Variants in PHACTR2 observed in about 807,000 individuals in gnomAD.
PHACTR2 encodes the protein chromosome 6 open reading frame 56.
PHACTR2 carries 30 observed loss-of-function variants against 76.0 expected under a neutral mutation model. That is an observed-to-expected ratio of 0.39 (90% CI 0.30 to 0.54). The LOEUF (loss-of-function observed/expected upper bound fraction) is 0.54, where lower values mean the gene tolerates loss of function less well. PHACTR2 is among the 20% of genes least tolerant of loss of function. The pLI, the probability that PHACTR2 is intolerant of heterozygous loss-of-function variation, is 0.61. For synonymous variants in PHACTR2, 292 were observed against 292.5 expected (o/e 1.00, Z 0.02); for missense variants, 696 against 781.1 (o/e 0.89, Z 1.30).
In PHACTR2 at chr6:143,807,390, A is replaced by C. The variant is rs1158001072; in HGVS notation, c.1922+257A>C. Among the ~76,000 whole-genome samples, 2 of 152,258 alleles carry C rather than the reference A, an allele frequency of 1.3e-5. No homozygotes were observed. The highest frequency in any genetic ancestry group is 4.8e-5 in the African/African-American group (2 of 41,476). ...TAAAGATATGACTAGATAAGATTGT[A>C]AATTTCTAGAATTTCATAATAAACT... is the stretch of plus-strand genomic sequence containing the variant. On this transcript the variant is annotated intron_variant, in intron 12 of 12. Coordinates refer to ENST00000440869, the MANE Select transcript of PHACTR2 (RefSeq NM_001100164.2). The surrounding 1 kb of genome is among the most constrained non-coding windows in gnomAD (Gnocchi z 5.5).
At chr6:143,805,800 C>T (rs2128483455) in intron 11 of PHACTR2, among the ~76,000 whole-genome samples, 1 of 152,278 alleles carries the variant, frequency 6.6e-6, no homozygotes, top group Middle Eastern at 3.4e-3. Flanking sequence ...GGAGAAGAGA[C>T]AATCTGTGAC....
At position 143,789,076 on chromosome 6, in the gene PHACTR2, T is replaced by C. The variant is rs896325329; in HGVS notation, c.1845+166T>C. On this transcript the variant is annotated intron_variant, in intron 11 of 12. Transcript: ENST00000440869. This position sits in a 1 kb window ranked among gnomAD's most constrained non-coding sequence, Gnocchi z 5.1. Reference sequence around the variant, plus strand: ...CACTTAAGTGATACATTTAGTGATATCAATGTAGTTCTTTCAACTAAGTCT... The same window carrying C: ...CACTTAAGTGATACATTTAGTGATACCAATGTAGTTCTTTCAACTAAGTCT... 1 of 514,640 alleles carries C rather than the reference T, an allele frequency of 1.9e-6. No individual in the cohort carries two copies. Among genetic ancestry groups the C allele is most frequent in the African/African-American group, 1.9e-5 (1 of 53,262 alleles). 31.9% of individuals were successfully genotyped at this position (514,640 alleles called of 1,614,324 possible).
At position 143,625,515 on chromosome 6, in the gene PHACTR2, A is replaced by G. The variant is rs1357564676; in HGVS notation, c.13+17193A>G. Among the ~76,000 whole-genome samples, 7 of 152,244 alleles carry G rather than the reference A, an allele frequency of 4.6e-5. No homozygotes were observed. Among genetic ancestry groups the G allele is most frequent in the African/African-American group, 1.7e-4 (7 of 41,472 alleles). The stretch of plus-strand genomic sequence containing the variant: ...ATAAATATTATTGATAACTTATCGA[A>G]TAGGTAATTGCTGCATATTGATTTC... On this transcript the variant is annotated intron_variant, in intron 1 of 11. Transcript: ENST00000305766. This position sits in a 1 kb window ranked among gnomAD's most constrained non-coding sequence, Gnocchi z 4.3.
intron 1 of PHACTR2, among the ~76,000 whole-genome samples, chr6:143,626,261 G>T (rs907665555): frequency 6.6e-6 from 1 of 152,086 alleles, no homozygotes; most frequent in Non-Finnish European, 1.5e-5. Context: ...AAACCGGCCG[G>T]GCACGGTTGC....
rs1408907209 is a variant in PHACTR2 at position 143,689,898 on chromosome 6, G to C, written c.46+11689G>C. ...AGTAGCGACAGGGTTTCGCCAGGCT[G>C]GTCTTGGCAATCTGGTCTTGAACTT... On this transcript the variant is annotated intron_variant, in intron 1 of 12. Coordinates refer to ENST00000440869, the MANE Select transcript of PHACTR2 (RefSeq NM_001100164.2). This position sits in a 1 kb window ranked among gnomAD's most constrained non-coding sequence, Gnocchi z 4.4. Among the ~76,000 whole-genome samples the C allele has an allele frequency of 6.6e-6, 1 of 152,042 alleles. No individual in the cohort carries two copies. The highest frequency in any genetic ancestry group is 2.4e-5 in the African/African-American group (1 of 41,406).
At chr6:143,579,314 A>G (rs932585160) in intron 1 of PHACTR2, among the ~76,000 whole-genome samples, 4 of 152,144 alleles carry the variant, frequency 2.6e-5, no homozygotes, top group Non-Finnish European at 4.4e-5. Flanking sequence ...TACTATTTTT[A>G]TTGTCAAAAA....
chr6:143,592,225 A>C lies in PHACTR2; in HGVS notation c.217+55018A>C, dbSNP rs1448419798. Reference sequence around the variant, plus strand: ...ATTTACAGCTTTTAAATATTTAGGCATATGGGATGGGGGCTTCCATTTGTG... The same window carrying C: ...ATTTACAGCTTTTAAATATTTAGGCCTATGGGATGGGGGCTTCCATTTGTG... On this transcript the variant is annotated intron_variant, in intron 1 of 11. Coordinates refer to the PHACTR2 transcript ENST00000367584. This position sits in a 1 kb window ranked among gnomAD's most constrained non-coding sequence, Gnocchi z 4.0. 6.6e-6 allele frequency among the ~76,000 whole-genome samples: 1 copy of C among 152,206 alleles called. No homozygotes were observed. The highest frequency in any genetic ancestry group is 1.5e-5 in the Non-Finnish European group (1 of 68,046).
Position 143,537,206 on chromosome 6 carries a change from A to C in PHACTR2, c.216A>C (p.Ser72=). 1 of 256,308 alleles carries C rather than the reference A, an allele frequency of 3.9e-6. No homozygotes were observed. 15.9% of individuals were successfully genotyped at this position (256,308 alleles called of 1,614,324 possible). Residue 72 remains serine (S), a splice_region_variant and synonymous_variant, in exon 1 of 12, where the codon TCA becomes TCC. Coordinates refer to the PHACTR2 transcript ENST00000367584. The surrounding 1 kb of genome is among the most constrained non-coding windows in gnomAD (Gnocchi z 4.4). ...CGCTCCGGGTCCACATCTCCGGCTC[A>C]GGTAAGAGCGGCTCGGGGCGCGGGC...
At chr6:143,650,129 C>G (rs111928906) in intron 1 of PHACTR2, among the ~76,000 whole-genome samples, 1,734 of 152,200 alleles carry the variant, frequency 0.011, 42 homozygotes, top group African/African-American at 0.04. Flanking sequence ...ATACAGCTAA[C>G]AAGGGAAGTG....
At position 143,659,395 on chromosome 6, in the gene PHACTR2, G is replaced by A. The variant is rs1266917794; in HGVS notation, c.13+51073G>A. On this transcript the variant is annotated intron_variant, in intron 1 of 11. Transcript: ENST00000305766. The surrounding 1 kb of genome is among the most constrained non-coding windows in gnomAD (Gnocchi z 5.0). ...GAGGGTGTCAGGGTCTCATGAAGCT[G>A]CAGTCAAGGTGTCAGTAGGGATGTC... Among the ~76,000 whole-genome samples the A allele has an allele frequency of 6.6e-6, 1 of 152,324 alleles. No individual in the cohort carries two copies. The highest frequency in any genetic ancestry group is 1.9e-4 in the East Asian group (1 of 5,182).
chr6:143,719,971 C>T (rs1321465705), intron 2 of PHACTR2, among the ~76,000 whole-genome samples: 1 of 151,796 alleles, frequency 6.6e-6, no homozygotes, highest in African/African-American at 2.4e-5. Context: ...ACCACCACAC[C>T]CAGCTAATTT....
rs1468793378 is a variant in PHACTR2, at chr6:143,562,136, A to C, written c.217+24929A>C. 4 of 152,236 alleles carry C rather than the reference A, an allele frequency of 2.6e-5. No homozygotes were observed. The highest frequency in any genetic ancestry group is 9.7e-5 in the African/African-American group (4 of 41,434). The allele number at this position is 152,236 out of a possible 1,614,324, so 9.4% of individuals were successfully genotyped here. A position where few individuals can be genotyped will look rare whatever the true frequency, so the allele number is the denominator to read the frequency against. ...CCCTTTGTGACCTCGTAGCCTTGTC[A>C]CAGTGCTCTCTGTTGTGTTGGAATA... On this transcript the variant is annotated intron_variant, in intron 1 of 11. Transcript: ENST00000367584. The surrounding 1 kb of genome is among the most constrained non-coding windows in gnomAD (Gnocchi z 5.1).
chr6:143,718,563 G>T (rs917064988), intron 2 of PHACTR2, among the ~76,000 whole-genome samples: 1 of 152,178 alleles, frequency 6.6e-6, no homozygotes, highest in Non-Finnish European at 1.5e-5. Flanking sequence ...ATTAGTTTTT[G>T]CTGTAAGAAG....
In PHACTR2 at chr6:143,757,959, GCGCGCACACACA is replaced by G. The variant is rs1199040109; in HGVS notation, c.455-2440_455-2429del. On this transcript the variant is annotated intron_variant, in intron 4 of 12. Transcript: ENST00000440869. The surrounding 1 kb of genome is among the most constrained non-coding windows in gnomAD (Gnocchi z 4.2). ...CCTGCGTGTGTGTGCATGCACACGT[GCGCGCACACACA>G]CACACACACACACACACATAACTTA... 7.1e-4 allele frequency among the ~76,000 whole-genome samples: 104 copies of G among 145,698 alleles called. No homozygotes were observed. The highest frequency in any genetic ancestry group is 2.5e-3 in the African/African-American group (96 of 37,852).
In PHACTR2 at chr6:143,553,930, C is replaced by A. The variant is rs750870863; in HGVS notation, c.217+16723C>A. On this transcript the variant is annotated intron_variant, in intron 1 of 11. Coordinates refer to the PHACTR2 transcript ENST00000367584. This position sits in a 1 kb window ranked among gnomAD's most constrained non-coding sequence, Gnocchi z 4.2. ...GGCCTGAGAGAAGTTAAGGGGTGAT[C>A]CTTCCAGGCAGAGAGAAGAGCAAGG... 1.2e-4 allele frequency among the ~76,000 whole-genome samples: 18 copies of A among 152,016 alleles called. No homozygotes were observed. The highest frequency in any genetic ancestry group is 2.5e-4 in the Non-Finnish European group (17 of 68,002).
At chr6:143,604,902 AAG>A (rs1384459326), upstream of PHACTR2, among the ~76,000 whole-genome samples, 43 of 151,546 alleles carry the variant, frequency 2.8e-4, no homozygotes, top group East Asian at 7.6e-3. Flanking sequence ...AAAAAAAAAA[AAG>A]AGAAAAAAAA....
At position 143,658,373 on chromosome 6, in the gene PHACTR2, A is replaced by C. The variant is rs1405023605; in HGVS notation, c.13+50051A>C. Among the ~76,000 whole-genome samples the C allele has an allele frequency of 1.3e-5, 2 of 152,250 alleles. No individual in the cohort carries two copies. The highest frequency in any genetic ancestry group is 2.9e-5 in the Non-Finnish European group (2 of 68,048). ...CCTTAATGATAAGGTTCTCCTGTGC[A>C]GTATTTGAAAACGAATTACAGCACT... is the stretch of plus-strand genomic sequence containing the variant. On this transcript the variant is annotated intron_variant, in intron 1 of 11. Coordinates refer to the PHACTR2 transcript ENST00000305766. The surrounding 1 kb of genome is among the most constrained non-coding windows in gnomAD (Gnocchi z 4.1).
At position 143,599,691 on chromosome 6, in the gene PHACTR2, C is replaced by T. The variant is rs752154028; in HGVS notation, c.217+62484C>T. ...TTGCAAAGGGTGCTTCCCTTGCTAG[C>T]CTATAAGAACAGCTCATTAAGATCC... On this transcript the variant is annotated intron_variant, in intron 1 of 11. Transcript: ENST00000367584. The surrounding 1 kb of genome is among the most constrained non-coding windows in gnomAD (Gnocchi z 4.6). 3.9e-5 allele frequency among the ~76,000 whole-genome samples: 6 copies of T among 152,176 alleles called. No individual in the cohort carries two copies. The highest frequency in any genetic ancestry group is 7.3e-5 in the Non-Finnish European group (5 of 68,030).
At chr6:143,726,683 G>A (rs1778579325) in intron 2 of PHACTR2, among the ~76,000 whole-genome samples, 1 of 152,066 alleles carries the variant, frequency 6.6e-6, no homozygotes, top group African/African-American at 2.4e-5. Context: ...CCATCTCTTG[G>A]CTATTGTGGA....
Sources: gnomAD v4.1 joint callset for allele counts (sites outside exome capture counted in the v4.1 genomes callset) on GRCh38, gnomAD v4.1.1 for gene constraint, Gnocchi (gnomAD v3.1) non-coding constraint, MANE v1.5 for transcripts, NCBI Gene and HGNC (gene_info 2026-07-23, HGNC 2026-07-21) for gene names.